RBFOX3: variants seen among roughly 807,000 people sequenced by gnomAD.
RBFOX3 encodes RNA binding protein fox-1 homolog 3.
A neutral mutation model predicts 48.7 loss-of-function variants in RBFOX3; 17 were observed. That is an observed-to-expected ratio of 0.35 (90% CI 0.24 to 0.52). RBFOX3 has a LOEUF of 0.52. Among genes scored for constraint, RBFOX3 ranks in the 20% least tolerant of loss-of-function variants. RBFOX3 has a pLI of 0.94. For missense variants in RBFOX3, 382 were observed against 497.5 expected (o/e 0.77, Z 2.21); for synonymous variants, 212 against 209.5 (o/e 1.01, Z -0.10).
At chr17:79,142,598 G>A (rs1023641741) in intron 4 of RBFOX3, among the ~76,000 whole-genome samples, 10 of 152,268 alleles carry the variant, frequency 6.6e-5, no homozygotes, top group Non-Finnish European at 1.3e-4. Context: ...CCACTCGTGG[G>A]TGTGTGGAGG....
intron 4 of RBFOX3, among the ~76,000 whole-genome samples, chr17:79,180,217 C>A (rs1244908193): frequency 1.3e-5 from 2 of 152,166 alleles, no homozygotes; most frequent in East Asian, 1.9e-4. Flanking sequence ...GAGGGACACA[C>A]CCCATCCCCA....
chr17:79,296,951 T>G (rs2074476830), intron 3 of RBFOX3, among the ~76,000 whole-genome samples: 2 of 120,326 alleles, frequency 1.7e-5, no homozygotes, highest in African/African-American at 6.3e-5. Context: ...CCTCCTCCTC[T>G]TCCTCATCCT....
intron 1 of RBFOX3, among the ~76,000 whole-genome samples, chr17:79,592,483 C>T (rs1048990605): frequency 3.9e-5 from 6 of 151,942 alleles, no homozygotes; most frequent in Admixed American, 1.3e-4. Flanking sequence ...TGCATGTGTA[C>T]GTGCGTTTAT....
chr17:79,646,672 G>T, the RBFOX3 span, among the ~76,000 whole-genome samples: 1 of 152,142 alleles, frequency 6.6e-6, no homozygotes, highest in Non-Finnish European at 1.5e-5. Flanking sequence ...TTCAAGGTGA[G>T]ATTTGGGTGG....
chr17:79,641,252 AT>A, the RBFOX3 span, among the ~76,000 whole-genome samples: 1,652 of 152,314 alleles, frequency 0.011, 28 homozygotes, highest in African/African-American at 0.038. Context: ...ACAGTTAGAT[AT>A]TCCCTCACAC....
At chr17:79,398,040 G>A (rs761136312) in intron 2 of RBFOX3, among the ~76,000 whole-genome samples, 5 of 152,178 alleles carry the variant, frequency 3.3e-5, no homozygotes, top group African/African-American at 4.8e-5. Flanking sequence ...GGAGTTTAAA[G>A]AGGAGGAAGA....
intron 13 of RBFOX3, among the ~76,000 whole-genome samples, chr17:79,095,102 A>G (rs2074923457): frequency 6.6e-6 from 1 of 152,130 alleles, no homozygotes; most frequent in Non-Finnish European, 1.5e-5. Context: ...AGGGGGTACA[A>G]GCGGTCCCCA....
At chr17:79,270,266 A>C (rs1218344713) in intron 3 of RBFOX3, among the ~76,000 whole-genome samples, 1 of 152,176 alleles carries the variant, frequency 6.6e-6, no homozygotes, top group Admixed American at 6.5e-5. Context: ...ACTTCCAAAG[A>C]GAAGTGTGCT....
chr17:79,276,511 C>A (rs562431446), intron 3 of RBFOX3, among the ~76,000 whole-genome samples: 1 of 152,146 alleles, frequency 6.6e-6, no homozygotes, highest in Non-Finnish European at 1.5e-5. Flanking sequence ...CATGGTGAAA[C>A]CCCATCTCTA....
intron 3 of RBFOX3, among the ~76,000 whole-genome samples, chr17:79,274,465 G>A (rs73999978): frequency 0.036 from 5,424 of 152,264 alleles, 307 homozygotes; most frequent in African/African-American, 0.12. Flanking sequence ...ACTCAGGCGC[G>A]AGGGAACTCC....
At chr17:79,545,703 C>A (rs1454827688) in intron 1 of RBFOX3, among the ~76,000 whole-genome samples, 1 of 152,254 alleles carries the variant, frequency 6.6e-6, no homozygotes. Context: ...TCCAATTCCG[C>A]CTCCCAGCTG....
Position 79,356,367 on chromosome 17 carries a change from T to TTTTTTGTTTTTG in RBFOX3, c.-174-48544_-174-48543insCAAAAACAAAAA, listed in dbSNP as rs1555684828. On this transcript the variant is annotated intron_variant, in intron 2 of 14. Transcript: ENST00000693108. ...AGGGAAGTTTTTTTTTTTTTTTTTT[T>TTTTTTGTTTTTG]TTTTTTTTTTTTTTTTTTTGAGGAG... Among the ~76,000 whole-genome samples the TTTTTTGTTTTTG allele has an allele frequency of 5.5e-3, 422 of 77,044 alleles. 34 individuals are homozygous for TTTTTTGTTTTTG. Among genetic ancestry groups the TTTTTTGTTTTTG allele is most frequent in the African/African-American group, 0.019 (400 of 21,222 alleles). The allele number at this position is 77,044 out of a possible 152,430, so 50.5% of individuals were successfully genotyped here.
intron 1 of RBFOX3, among the ~76,000 whole-genome samples, chr17:79,541,101 A>G (rs1367308650): frequency 2.6e-5 from 4 of 152,148 alleles, no homozygotes; most frequent in African/African-American, 9.7e-5. Flanking sequence ...AGCTCTAACC[A>G]GCTTTAAATT....
intron 1 of RBFOX3, among the ~76,000 whole-genome samples, chr17:79,544,266 T>C (rs782033218): frequency 1.3e-5 from 2 of 151,964 alleles, no homozygotes; most frequent in Non-Finnish European, 2.9e-5. Context: ...CTGAGATCTA[T>C]ACAACGGAAA....
At chr17:79,558,697 T>C (rs1442465021) in intron 1 of RBFOX3, among the ~76,000 whole-genome samples, 4 of 152,234 alleles carry the variant, frequency 2.6e-5, no homozygotes, top group Non-Finnish European at 2.9e-5. Flanking sequence ...CTTGCGGGGA[T>C]TGGGTTAGTC....
At chr17:79,323,167 C>G (rs534929303) in intron 2 of RBFOX3, among the ~76,000 whole-genome samples, 1 of 152,232 alleles carries the variant, frequency 6.6e-6, no homozygotes, top group Non-Finnish European at 1.5e-5. Context: ...TCTGATCCCA[C>G]TGTCACTGGG....
chr17:79,193,191 C>G (rs2054865023), intron 4 of RBFOX3, among the ~76,000 whole-genome samples: 1 of 152,166 alleles, frequency 6.6e-6, no homozygotes, highest in South Asian at 2.1e-4. Context: ...AGACCTGGTC[C>G]GTGTTGCAAT....
At chr17:79,549,233 C>T (rs1021263819) in intron 1 of RBFOX3, among the ~76,000 whole-genome samples, 9 of 152,210 alleles carry the variant, frequency 5.9e-5, no homozygotes, top group Admixed American at 4.6e-4. Flanking sequence ...ACAAGCTGGC[C>T]TTACTTTGAA....
intron 1 of RBFOX3, among the ~76,000 whole-genome samples, chr17:79,560,865 G>A (rs1247722339): frequency 5.3e-5 from 8 of 152,158 alleles, no homozygotes; most frequent in African/African-American, 1.9e-4. Flanking sequence ...GCTGCCCCAG[G>A]GGGTAGGAAG....
Sources: allele counts gnomAD v4.1 joint callset (sites outside exome capture counted in the v4.1 genomes callset), GRCh38; gene constraint gnomAD v4.1.1; transcripts MANE v1.5; gene names NCBI Gene and HGNC (gene_info 2026-07-23, HGNC 2026-07-21).